The following LPP variants were observed in gnomAD, a reference collection of about 807,000 sequenced individuals.
LPP encodes LIM domain containing preferred translocation partner in lipoma.
In LPP, 38 loss-of-function variants were observed where a neutral mutation model predicts 60.4. That is an observed-to-expected ratio of 0.63 (90% CI 0.49 to 0.83). The LOEUF (loss-of-function observed/expected upper bound fraction) is 0.83, where lower values mean the gene tolerates loss of function less well. Ranked by LOEUF, LPP falls within the 40% of genes least tolerant of loss-of-function variation. The pLI, the probability that LPP is intolerant of heterozygous loss-of-function variation, is 0.00. For missense variants in LPP, 902 were observed against 783.6 expected, an observed-to-expected ratio of 1.15 and a Z score of -1.80; for synonymous variants, 328 against 290.8, an observed-to-expected ratio of 1.13 and a Z score of -1.30.
chr3:188,668,268 A>C (rs545716978), intron 7 of LPP, among the ~76,000 whole-genome samples: 4 of 151,978 alleles, frequency 2.6e-5, no homozygotes, highest in Non-Finnish European at 5.9e-5. Flanking sequence ...TTTTTTCTTG[A>C]CTCTGAAGAT....
intron 7 of LPP, among the ~76,000 whole-genome samples, chr3:188,689,714 T>C (rs1198219203): frequency 6.6e-6 from 1 of 152,238 alleles, no homozygotes; most frequent in Non-Finnish European, 1.5e-5. Flanking sequence ...ATTAGTACCC[T>C]TTACTATATT....
At chr3:188,738,275 T>G (rs1404405083) in intron 8 of LPP, among the ~76,000 whole-genome samples, 1 of 152,158 alleles carries the variant, frequency 6.6e-6, no homozygotes, top group Non-Finnish European at 1.5e-5. Flanking sequence ...AAACACAGTA[T>G]TATTTATGGT....
At chr3:188,649,150 A>G (rs1187399353) in intron 7 of LPP, among the ~76,000 whole-genome samples, 1 of 152,242 alleles carries the variant, frequency 6.6e-6, no homozygotes, top group Admixed American at 6.5e-5. Context: ...GAAATTTCAA[A>G]TGCAAAAAAA....
intron 11 of LPP, among the ~76,000 whole-genome samples, 192 bp from the exon 12 acceptor site, chr3:188,874,159 T>C (rs1768914522): frequency 6.6e-6 from 1 of 152,134 alleles, no homozygotes; most frequent in Non-Finnish European, 1.5e-5. Context: ...AATCTCTAAT[T>C]CAATTACATT....
At position 188,179,478 on chromosome 3, in the gene LPP, G is replaced by A. The variant is rs753101248; in HGVS notation, c.-190+25226G>A. 17 of 457,700 alleles carry A rather than the reference G, an allele frequency of 3.7e-5. 1 individual carries two copies. Among genetic ancestry groups the A allele is most frequent in the South Asian group, 1.7e-4 (11 of 64,566 alleles). The allele number at this position is 457,700 out of a possible 1,614,324, so 28.4% of individuals were successfully genotyped here. A position where few individuals can be genotyped will look rare whatever the true frequency, so the allele number is the denominator to read the frequency against. On this transcript the variant is annotated intron_variant, in intron 1 of 11. Coordinates refer to ENST00000617246, the MANE Select transcript of LPP (RefSeq NM_001375462.1). ...TCCAGAGCTCCTTCCCTTCTGGGGC[G>A]CCCACATCTGCGACACGCTTGTTTG... is the stretch of plus-strand genomic sequence containing the variant.
chr3:188,174,811 A>G (rs1348157874), intron 1 of LPP, among the ~76,000 whole-genome samples: 1 of 152,132 alleles, frequency 6.6e-6, no homozygotes, highest in Non-Finnish European at 1.5e-5. Context: ...TCTTCCATGA[A>G]GCATGCCTTG....
At chr3:188,218,662 T>C (rs928175552) in intron 1 of LPP, among the ~76,000 whole-genome samples, 19 of 152,242 alleles carry the variant, frequency 1.2e-4, no homozygotes, top group African/African-American at 4.3e-4. Context: ...CAAACATTTA[T>C]TGAGTTCTTA....
intron 4 of LPP, among the ~76,000 whole-genome samples, chr3:188,446,700 C>T (rs1320585823): frequency 6.6e-6 from 1 of 152,180 alleles, no homozygotes; most frequent in East Asian, 1.9e-4. Flanking sequence ...TCCCACTCAG[C>T]TCCTGCTTTC....
intron 6 of LPP, among the ~76,000 whole-genome samples, chr3:188,556,500 A>G (rs13088424): frequency 0.22 from 33,958 of 152,012 alleles, 4,197 homozygotes; most frequent in African/African-American, 0.32. Flanking sequence ...GATCACTAAC[A>G]TCTATAAAAT....
Position 188,874,594 on chromosome 3 carries a change from A to G in LPP, c.*115A>G. 5.0e-6 allele frequency: 6 copies of G among 1,207,752 alleles called. No individual in the cohort carries two copies. The highest frequency in any genetic ancestry group is 6.8e-6 in the Non-Finnish European group (6 of 878,036). The allele number at this position is 1,207,752 out of a possible 1,614,324, so 74.8% of individuals were successfully genotyped here. A position where few individuals can be genotyped will look rare whatever the true frequency, so the allele number is the denominator to read the frequency against. On this transcript the variant is annotated 3_prime_UTR_variant, in exon 12 of 12. Coordinates refer to ENST00000617246, the MANE Select transcript of LPP (RefSeq NM_001375462.1). ...AGTCTCTGTTCTTCATCTGCTATTAACCTTGCCTTAGAAACACATAAATTA... is the reference window on the plus strand; with the variant it reads ...AGTCTCTGTTCTTCATCTGCTATTAGCCTTGCCTTAGAAACACATAAATTA...
intron 8 of LPP, chr3:188,746,429 T>C (rs1726233034): frequency 2.1e-6 from 1 of 475,270 alleles, no homozygotes; most frequent in Non-Finnish European, 4.2e-6. Context: ...TGCACAGTTT[T>C]GTTTCAGAAA....
chr3:188,680,938 G>A (rs1166518590), intron 7 of LPP, among the ~76,000 whole-genome samples: 3 of 151,606 alleles, frequency 2.0e-5, no homozygotes, highest in Non-Finnish European at 2.9e-5. Context: ...GGGAGCATAA[G>A]TGAGAATGCA....
intron 7 of LPP, among the ~76,000 whole-genome samples, chr3:188,689,349 C>T (rs77618664): frequency 0.056 from 8,577 of 152,256 alleles, 310 homozygotes; most frequent in Non-Finnish European, 0.085. Flanking sequence ...GATGAAATTT[C>T]CTTTCTGGCC....
In LPP at chr3:188,846,614, G is replaced by T. The variant is rs927976192; in HGVS notation, c.1411-19586G>T. Among the ~76,000 whole-genome samples, 4 of 150,916 alleles carry T rather than the reference G, an allele frequency of 2.7e-5. No individual in the cohort carries two copies. The South Asian group carries it at 8.4e-4, about 32-fold the overall frequency. On this transcript the variant is annotated intron_variant, in intron 9 of 11. Coordinates refer to ENST00000617246, the MANE Select transcript of LPP (RefSeq NM_001375462.1). Reference sequence around the variant, plus strand: ...CAGGAGAATTGCTTGAACCCAGGAGGTGGAGGTTGCAGTGAGCCAAGATTG... The same window carrying T: ...CAGGAGAATTGCTTGAACCCAGGAGTTGGAGGTTGCAGTGAGCCAAGATTG...
intron 2 of LPP, among the ~76,000 whole-genome samples, chr3:188,233,537 CATTCTAT>C (rs1157812101): frequency 1.3e-5 from 2 of 152,184 alleles, no homozygotes; most frequent in African/African-American, 4.8e-5. Flanking sequence ...GGCCCTGGCT[CATTCTAT>C]GATTAAGCCA....
chr3:188,438,401 A>ACAC (rs1215788779), intron 4 of LPP, among the ~76,000 whole-genome samples: 1 of 144,474 alleles, frequency 6.9e-6, no homozygotes, highest in African/African-American at 2.6e-5. Context: ...ACACACACAC[A>ACAC]GTCTCATTTA....
chr3:188,851,903 C>T (rs1560293914), intron 9 of LPP, among the ~76,000 whole-genome samples: 1 of 152,166 alleles, frequency 6.6e-6, no homozygotes, highest in African/African-American at 2.4e-5. Flanking sequence ...TGGCTCATGC[C>T]TTTAATCCCG....
chr3:188,643,217 C>A lies in LPP; in HGVS notation c.1113+33373C>A, dbSNP rs138430700. ...CAAAGTTTCAGAGATGAAAGTTGTA[C>A]CCAGGGCCACACAGTTAGGTTGCTG... is the stretch of plus-strand genomic sequence containing the variant. On this transcript the variant is annotated intron_variant, in intron 7 of 11. Coordinates refer to ENST00000617246, the MANE Select transcript of LPP (RefSeq NM_001375462.1). Among the ~76,000 whole-genome samples, 38 of 152,236 alleles carry A rather than the reference C, an allele frequency of 2.5e-4. 1 individual carries two copies. Among genetic ancestry groups the A allele is most frequent in the African/African-American group, 9.1e-4 (38 of 41,536 alleles).
chr3:188,267,436 T>C (rs1175357547), intron 2 of LPP, among the ~76,000 whole-genome samples: 1 of 152,236 alleles, frequency 6.6e-6, no homozygotes, highest in Admixed American at 6.5e-5. Flanking sequence ...AAACTCTTTA[T>C]AAATCCCTCA....
Sources: allele counts gnomAD v4.1 joint callset (sites outside exome capture counted in the v4.1 genomes callset), GRCh38; gene constraint gnomAD v4.1.1; transcripts MANE v1.5; gene names NCBI Gene and HGNC (gene_info 2026-07-23, HGNC 2026-07-21).